The following ZDHHC21 variants were observed in gnomAD, a reference collection of about 807,000 sequenced individuals.
ZDHHC21 encodes the protein zDHHC palmitoyltransferase 21.
ZDHHC21 carries 15 observed loss-of-function variants against 34.6 expected under a neutral mutation model. That is an observed-to-expected ratio of 0.43 (90% CI 0.29 to 0.67). The LOEUF (loss-of-function observed/expected upper bound fraction) is 0.67. Ranked by LOEUF, ZDHHC21 falls within the 30% of genes least tolerant of loss-of-function variation. ZDHHC21 has a pLI of 0.14. For synonymous variants in ZDHHC21, 142 were observed against 101.8 expected (o/e 1.40, Z -2.38); for missense variants, 344 against 327.7 (o/e 1.05, Z -0.38).
chr9:14,665,354 G>C (rs1490895212), intron 5 of ZDHHC21, among the ~76,000 whole-genome samples: 1 of 139,596 alleles, frequency 7.2e-6, no homozygotes, highest in Non-Finnish European at 1.5e-5. Context: ...TATGTGAAAA[G>C]ACCAAATCTA....
At chr9:14,646,693 A>T (rs12346636) in intron 7 of ZDHHC21, among the ~76,000 whole-genome samples, 33,336 of 152,032 alleles carry the variant, frequency 0.22, 4,165 homozygotes, top group East Asian at 0.34. Flanking sequence ...GACAACCACA[A>T]GCATACTCCC....
At chr9:14,690,262 T>C in intron 2 of ZDHHC21, 75 bp downstream of exon 2, 1 of 432,300 alleles carries the variant, frequency 2.3e-6, no homozygotes, top group Admixed American at 2.7e-5. Flanking sequence ...CTAAATTAGA[T>C]TTCCTTCACA....
rs2133360479 is a variant in ZDHHC21 at position 14,611,674 on chromosome 9, G to C, written c.*7292C>G. The C allele has an allele frequency of 6.6e-6, 1 of 151,998 alleles. No homozygotes were observed. Among genetic ancestry groups the C allele is most frequent in the South Asian group, 2.1e-4 (1 of 4,818 alleles). The allele number at this position is 151,998 out of a possible 1,614,324, so 9.4% of individuals were successfully genotyped here. ...AGCCTCAAGAATAACATAGATTTTG[G>C]CTATTCATTAAACTTGCCAGTTAGA... On this transcript the variant is annotated 3_prime_UTR_variant, in exon 10 of 10. Transcript: ENST00000380916.
At chr9:14,643,094 T>C (rs960602022) in intron 7 of ZDHHC21, among the ~76,000 whole-genome samples, 1 of 151,554 alleles carries the variant, frequency 6.6e-6, no homozygotes, top group Non-Finnish European at 1.5e-5. Context: ...AAAATAAAAA[T>C]AAAATAGCAG....
At chr9:14,688,585 G>C (rs1359391593) in intron 2 of ZDHHC21, among the ~76,000 whole-genome samples, 5 of 151,776 alleles carry the variant, frequency 3.3e-5, no homozygotes, top group Non-Finnish European at 7.3e-5. Flanking sequence ...ATGGGGGCCA[G>C]GCACAGTGGC....
chr9:14,605,686 G>C, the ZDHHC21 span, among the ~76,000 whole-genome samples: 1 of 152,170 alleles, frequency 6.6e-6, no homozygotes, highest in Admixed American at 6.6e-5. Context: ...AGCTTTTAAA[G>C]TTGATGCAGT....
In ZDHHC21 at chr9:14,637,278, C is replaced by G. The variant is rs145187152; in HGVS notation, c.621+2618G>C. ...AAGATTATTATGAACAACTATATAC[C>G]AACAAACCAAAAAACCTAGAGTAAA... On this transcript the variant is annotated intron_variant, in intron 8 of 9. Transcript: ENST00000380916. Among the ~76,000 whole-genome samples the G allele has an allele frequency of 2.4e-4, 37 of 151,848 alleles. 2 individuals are homozygous for G. The South Asian group carries it at 2.7e-3, about 11-fold the overall frequency.
intron 8 of ZDHHC21, among the ~76,000 whole-genome samples, chr9:14,630,550 A>C (rs1827157365): frequency 6.6e-6 from 1 of 152,176 alleles, no homozygotes; most frequent in Non-Finnish European, 1.5e-5. Context: ...AAATGTTCTT[A>C]ATGGCATCTA....
chr9:14,672,994 T>C, intron 4 of ZDHHC21, 66 bp from the exon 5 acceptor site: 1 of 1,020,290 alleles, frequency 9.8e-7, no homozygotes, highest in East Asian at 2.7e-5. Flanking sequence ...AACAATCATA[T>C]TTAAAGTTTA....
At chr9:14,596,613 G>A in the ZDHHC21 span, among the ~76,000 whole-genome samples, 1 of 152,128 alleles carries the variant, frequency 6.6e-6, no homozygotes, top group Non-Finnish European at 1.5e-5. Flanking sequence ...GCAAGAGCTT[G>A]ACTAACAAAT....
intron 5 of ZDHHC21, among the ~76,000 whole-genome samples, chr9:14,669,520 C>G (rs1291118395): frequency 1.3e-5 from 2 of 151,700 alleles, no homozygotes; most frequent in African/African-American, 4.9e-5. Context: ...CCCAAAATGA[C>G]TATAAATCAT....
chr9:14,608,884 G>A (rs1248596005), downstream of ZDHHC21, among the ~76,000 whole-genome samples: 2 of 152,052 alleles, frequency 1.3e-5, no homozygotes, highest in African/African-American at 2.4e-5. Context: ...ATACAATCAC[G>A]TATTTTTAGT....
chr9:14,676,149 A>G (rs964778003), intron 3 of ZDHHC21, among the ~76,000 whole-genome samples: 1 of 152,044 alleles, frequency 6.6e-6, no homozygotes, highest in Non-Finnish European at 1.5e-5. Flanking sequence ...ATAAAATTAA[A>G]GACAGAGGTC....
At chr9:14,688,893 A>C (rs1191014502) in intron 2 of ZDHHC21, among the ~76,000 whole-genome samples, 11 of 151,892 alleles carry the variant, frequency 7.2e-5, no homozygotes, top group Non-Finnish European at 2.9e-5. Flanking sequence ...ACAAACAGAA[A>C]ACCAGCCGGG....
the ZDHHC21 span, among the ~76,000 whole-genome samples, chr9:14,596,666 T>C: frequency 6.6e-6 from 1 of 152,186 alleles, no homozygotes; most frequent in Non-Finnish European, 1.5e-5. Flanking sequence ...TATTGCTTCA[T>C]TCCTGGAAAT....
chr9:14,603,933 A>G, the ZDHHC21 span, among the ~76,000 whole-genome samples: 2 of 152,176 alleles, frequency 1.3e-5, no homozygotes, highest in Non-Finnish European at 2.9e-5. Context: ...AAGAAAATAT[A>G]TCCTTCATGA....
At chr9:14,683,630 G>A (rs1837767864) in intron 2 of ZDHHC21, 1 of 152,156 alleles carries the variant, frequency 6.6e-6, no homozygotes. Flanking sequence ...GTACAAGGAG[G>A]AGCTGGTACC....
Position 14,619,648 on chromosome 9 carries a change from C to A in ZDHHC21, c.656G>T (p.Cys219Phe), listed in dbSNP as rs1422590590. ...TTSIEKMSNC[C>F]EDISRPRKPW... ...TCAGTTTTATACTTACATATCTTCACAACAGTTTGACATCTTTTCAATAGA... is the reference window on the plus strand; with the variant it reads ...TCAGTTTTATACTTACATATCTTCAAAACAGTTTGACATCTTTTCAATAGA... Residue 219 changes from cysteine (C) to phenylalanine (F), a missense_variant, in exon 9 of 10, where the codon TGT becomes TTT. By Grantham distance (205) the Cys-to-Phe change is radical. Transcript: ENST00000380916. The A allele has an allele frequency of 3.5e-6, 5 of 1,414,992 alleles. No homozygotes were observed. The highest frequency in any genetic ancestry group is 3.9e-6 in the Non-Finnish European group (4 of 1,029,866). The allele number at this position is 1,414,992 out of a possible 1,614,324, so 87.7% of individuals were successfully genotyped here.
downstream of ZDHHC21, among the ~76,000 whole-genome samples, chr9:14,609,419 A>G (rs1427379535): frequency 6.6e-6 from 1 of 152,148 alleles, no homozygotes; most frequent in Admixed American, 6.6e-5. Flanking sequence ...GTATTTGGCA[A>G]GCATTTTCTC....
Sources: gnomAD v4.1 joint callset for allele counts (sites outside exome capture counted in the v4.1 genomes callset) on GRCh38, gnomAD v4.1.1 for gene constraint, MANE v1.5 for transcripts, NCBI Gene and HGNC (gene_info 2026-07-23, HGNC 2026-07-21) for gene names.